Variants in ZNF425 observed in about 807,000 individuals in gnomAD.
ZNF425 encodes the protein zinc finger protein 425.
A neutral mutation model predicts 17.0 loss-of-function variants in ZNF425; 21 were observed. The ratio of observed to expected loss-of-function variants is 1.23; its 90% CI spans 0.88 to 1.78. ZNF425 has a LOEUF of 1.78. Ranked by LOEUF, ZNF425 falls within the 40% of genes most tolerant of loss-of-function variation. ZNF425 has a pLI of 0.00. For synonymous variants in ZNF425, 433 were observed against 384.1 expected (o/e 1.13, Z -1.49); for missense variants, 868 against 967.3 (o/e 0.90, Z 1.36).
chr7:149,108,517 T>C lies in ZNF425; in HGVS notation c.305-2951A>G, dbSNP rs977687277. Reference sequence around the variant, plus strand: ...CCAGGCAGACGAGCAGCTGTGATTATTGGCTGAGCACCACCTTGTACTAAG... The same window carrying C: ...CCAGGCAGACGAGCAGCTGTGATTACTGGCTGAGCACCACCTTGTACTAAG... On this transcript the variant is annotated intron_variant, in intron 3 of 3. Transcript: ENST00000378061. Among the ~76,000 whole-genome samples the C allele has an allele frequency of 2.0e-5, 3 of 152,234 alleles. No individual in the cohort carries two copies. In the East Asian group the frequency reaches 5.8e-4, roughly 29 times the overall value.
At chr7:149,117,229 A>G (rs1043045694) in intron 2 of ZNF425, among the ~76,000 whole-genome samples, 1 of 149,512 alleles carries the variant, frequency 6.7e-6, no homozygotes, top group Middle Eastern at 3.2e-3. Flanking sequence ...ACACCACTGC[A>G]CTCCAGTATG....
intron 3 of ZNF425, among the ~76,000 whole-genome samples, chr7:149,108,053 G>T (rs1012480140): frequency 2.0e-5 from 3 of 151,286 alleles, no homozygotes; most frequent in African/African-American, 7.3e-5. Context: ...TTTATTTTTT[G>T]TAGAGATGGG....
chr7:149,119,297 G>A (rs1004163689), intron 1 of ZNF425, among the ~76,000 whole-genome samples: 36 of 151,906 alleles, frequency 2.4e-4, no homozygotes, highest in African/African-American at 5.8e-4. Context: ...CCTGGCCAAC[G>A]TGGTAAAACC....
chr7:149,123,109 C>T (rs1585492510), intron 1 of ZNF425, among the ~76,000 whole-genome samples: 1 of 152,176 alleles, frequency 6.6e-6, no homozygotes, highest in African/African-American at 2.4e-5. Flanking sequence ...AAAATGTCTG[C>T]AAGCCATGAT....
At chr7:149,114,238 TTTTTTTG>T (rs1307572384) in intron 2 of ZNF425, among the ~76,000 whole-genome samples, 1,108 of 94,816 alleles carry the variant, frequency 0.012, 35 homozygotes, top group Admixed American at 0.083. Context: ...TTTTTTTTTT[TTTTTTTG>T]GTATTTTTAG....
chr7:149,125,821 A>C, intron 1 of ZNF425: 9 of 382,784 alleles, frequency 2.4e-5, no homozygotes, highest in Non-Finnish European at 2.9e-5. Flanking sequence ...TCCCTGGGGA[A>C]CCTGGTGGTC....
intron 3 of ZNF425, among the ~76,000 whole-genome samples, chr7:149,107,345 A>T (rs13221183): frequency 0.14 from 17,612 of 125,532 alleles, 1,142 homozygotes; most frequent in African/African-American, 0.25. Context: ...TTATTTATTT[A>T]TTTTTTTTCT....
In ZNF425 at chr7:149,103,828, C is replaced by G. The variant is rs1563144105; in HGVS notation, c.2043G>C (p.Leu681Phe). 1 of 1,612,120 alleles carries G rather than the reference C, an allele frequency of 6.2e-7. No individual in the cohort carries two copies. Among genetic ancestry groups the G allele is most frequent in the Non-Finnish European group, 8.5e-7 (1 of 1,179,378 alleles). The change falls in exon 4 of 4, where the codon TTG (leucine) becomes TTC (phenylalanine). Residue 681 changes from leucine (L) to phenylalanine (F), a missense_variant. Coordinates refer to ENST00000378061, the MANE Select transcript of ZNF425 (RefSeq NM_001001661.3). The stretch of plus-strand genomic sequence containing the variant: ...CACTGTGCTTATACAAGTGGACCTT[C>G]AAGCTGCCCCTGATGCAGTAGCTCT... ...CDKSYCIRGS[L>F]KVHLYKHSGE...
chr7:149,121,553 G>A (rs1321730117), intron 1 of ZNF425, among the ~76,000 whole-genome samples: 1 of 151,922 alleles, frequency 6.6e-6, no homozygotes, highest in Admixed American at 6.6e-5. Flanking sequence ...CACCATGCCC[G>A]GATAATTTTT....
rs761248388 is a variant in ZNF425, at chr7:149,105,069, G to C, written c.802C>G (p.His268Asp). Residue 268 changes from histidine (H) to aspartate (D), a missense_variant, in exon 4 of 4, where the codon CAC becomes GAC. His to Asp is a moderately conservative substitution (Grantham distance 81). Transcript: ENST00000378061. ...KGSLVTHQVV[H>D]TGQRPYPCPE... ...CATGGGTAGGGCCGCTGGCCGGTGT[G>C]GACAACCTGATGAGTGACGAGGCTG... The C allele has an allele frequency of 6.2e-7, 1 of 1,614,214 alleles. No homozygotes were observed. The highest frequency in any genetic ancestry group is 1.1e-5 in the South Asian group (1 of 91,088).
At chr7:149,106,067 G>A (rs1254521703) in intron 3 of ZNF425, among the ~76,000 whole-genome samples, 1 of 144,492 alleles carries the variant, frequency 6.9e-6, no homozygotes, top group Admixed American at 7.3e-5. Context: ...GCAATTCTCT[G>A]CCTCAGCCTC....
Position 149,104,351 on chromosome 7 carries a change from A to G in ZNF425, c.1520T>C (p.Phe507Ser). 6.2e-7 allele frequency: 1 copy of G among 1,613,044 alleles called. No homozygotes were observed. Among genetic ancestry groups the G allele is most frequent in the Non-Finnish European group, 8.5e-7 (1 of 1,179,804 alleles). ...EFPCGECKKT[F>S]SQQSRLTQHL... ...CTGCGTGAGCCGCGACTGCTGAGAA[A>G]AGGTCTTTTTGCACTCGCCGCAGGG... Residue 507 changes from phenylalanine to serine, a missense_variant, in exon 4 of 4, where the codon TTT becomes TCT. Physicochemically the swap from Phe to Ser is radical, Grantham distance 155. This residue lies in a region of ZNF425 where 437 missense variants were observed against 444.2 expected (regional missense o/e 0.98). Coordinates refer to ENST00000378061, the MANE Select transcript of ZNF425 (RefSeq NM_001001661.3). This position sits in a 1 kb window ranked among gnomAD's most constrained non-coding sequence, Gnocchi z 4.3.
At chr7:149,124,262 T>C (rs1159676982) in intron 1 of ZNF425, among the ~76,000 whole-genome samples, 1 of 150,086 alleles carries the variant, frequency 6.7e-6, no homozygotes, top group Non-Finnish European at 1.5e-5. Flanking sequence ...TTCACGCCGT[T>C]CTCCTGCCTC....
In ZNF425 at chr7:149,104,968, C is replaced by T. The variant is rs1001201127; in HGVS notation, c.903G>A (p.Pro301=). 2 of 1,614,150 alleles carry T rather than the reference C, an allele frequency of 1.2e-6. No homozygotes were observed. The highest frequency in any genetic ancestry group is 2.2e-5 in the East Asian group (1 of 44,886). ...CCCGGCCGCACTCCCCGCAGCAGAA[C>T]GGCCGCTCCCCGCGGTGTAGACACA... is the stretch of plus-strand genomic sequence containing the variant. ...KHLCLHRGER[P]FCCGECGRAF... is the part of the protein sequence containing the mutation. The change falls in exon 4 of 4, where the codon CCG becomes CCA. Residue 301 remains proline, a synonymous_variant. Coordinates refer to ENST00000378061, the MANE Select transcript of ZNF425 (RefSeq NM_001001661.3). The surrounding 1 kb of genome is among the most constrained non-coding windows in gnomAD (Gnocchi z 4.3).
rs566287917 is a variant in ZNF425, at chr7:149,112,050, G to T, written c.304+87C>A. 8.8e-5 allele frequency: 122 copies of T among 1,381,592 alleles called. No individual in the cohort carries two copies. In the African/African-American group the frequency reaches 1.6e-3, roughly 18 times the overall value. 85.6% of individuals were successfully genotyped at this position (1,381,592 alleles called of 1,614,324 possible). A position where few individuals can be genotyped will look rare whatever the true frequency, so the allele number is the denominator to read the frequency against. ...TCAAAACAACTTTTTTTATTGACTAGATCTAGTCAGATATCCAAAAAGAAA... is the reference window on the plus strand; with the variant it reads ...TCAAAACAACTTTTTTTATTGACTATATCTAGTCAGATATCCAAAAAGAAA... On this transcript the variant is annotated intron_variant, in intron 3 of 3. Coordinates refer to ENST00000378061, the MANE Select transcript of ZNF425 (RefSeq NM_001001661.3).
Position 149,103,922 on chromosome 7 carries a change from T to C in ZNF425, c.1949A>G (p.Gln650Arg), listed in dbSNP as rs1383290685. The C allele has an allele frequency of 6.2e-7, 1 of 1,613,860 alleles. No individual in the cohort carries two copies. Among genetic ancestry groups the C allele is most frequent in the African/African-American group, 1.3e-5 (1 of 74,856 alleles). ...TCGAATGTGTTCTGTGAGCCGGTAC[T>C]GTTGAGTGAAACTTTTGCCGCACAT... ...CVMCGKSFTQ[Q>R]YRLTEHIRVH... The change falls in exon 4 of 4, where the codon CAG becomes CGG. Residue 650 changes from glutamine to arginine, a missense_variant. Coordinates refer to ENST00000378061, the MANE Select transcript of ZNF425 (RefSeq NM_001001661.3).
intron 2 of ZNF425, among the ~76,000 whole-genome samples, chr7:149,115,396 G>A (rs1044942665): frequency 7.2e-5 from 11 of 151,758 alleles, no homozygotes; most frequent in Non-Finnish European, 1.3e-4. Context: ...GCTCACGCTT[G>A]TAATCCCAGT....
At chr7:149,122,324 G>A (rs1389638545) in intron 1 of ZNF425, among the ~76,000 whole-genome samples, 1 of 151,164 alleles carries the variant, frequency 6.6e-6, no homozygotes, top group Non-Finnish European at 1.5e-5. Context: ...GCTACATTGC[G>A]CAGGCTAATC....
rs563319968 is a variant in ZNF425, at chr7:149,103,320, G to A, written c.*292C>T. 1.0e-3 allele frequency: 345 copies of A among 330,566 alleles called. No homozygotes were observed. Among genetic ancestry groups the A allele is most frequent in the Admixed American group, 2.0e-3 (45 of 22,076 alleles). 20.5% of individuals were successfully genotyped at this position (330,566 alleles called of 1,614,324 possible). A position where few individuals can be genotyped will look rare whatever the true frequency, so the allele number is the denominator to read the frequency against. ...CAGCCTCTGCCTCCTGGGCTCAAGC[G>A]ATCCTCCTGCCTCAACCTCCCAAAG... is the stretch of plus-strand genomic sequence containing the variant. On this transcript the variant is annotated 3_prime_UTR_variant, in exon 4 of 4. Transcript: ENST00000378061.
Sources: allele counts gnomAD v4.1 joint callset (sites outside exome capture counted in the v4.1 genomes callset), GRCh38; gene constraint gnomAD v4.1.1; regional missense constraint gnomAD v4.1.1; non-coding constraint Gnocchi (gnomAD v3.1); transcripts MANE v1.5; gene names NCBI Gene and HGNC (gene_info 2026-07-23, HGNC 2026-07-21).